CHN2: variants seen among roughly 807,000 people sequenced by gnomAD.
CHN2 encodes the protein beta-chimaerin.
Under a neutral mutation model 56.3 loss-of-function variants are expected in CHN2, and 35 were observed. The ratio of observed to expected loss-of-function variants is 0.62; its 90% CI spans 0.47 to 0.82. The LOEUF (loss-of-function observed/expected upper bound fraction) is 0.82, where lower values mean the gene tolerates loss of function less well. Ranked by LOEUF, CHN2 falls within the 40% of genes least tolerant of loss-of-function variation. The pLI is 0.00. For missense variants in CHN2, 491 were observed against 580.5 expected (o/e 0.85, Z 1.58); for synonymous variants, 210 against 212.8 (o/e 0.99, Z 0.12).
chr7:29,257,061 T>C (rs2128826857), intron 1 of CHN2, among the ~76,000 whole-genome samples: 1 of 152,294 alleles, frequency 6.6e-6, no homozygotes, highest in East Asian at 1.9e-4. Context: ...CAACTAGGCT[T>C]ACTGTTAAAA....
At chr7:29,323,865 G>A (rs1433447245) in intron 1 of CHN2, among the ~76,000 whole-genome samples, 5 of 152,054 alleles carry the variant, frequency 3.3e-5, no homozygotes, top group African/African-American at 9.7e-5. Context: ...ATAGCCGGGC[G>A]TGGTGGCAGG....
chr7:29,395,261 G>A (rs1008663806), intron 4 of CHN2, among the ~76,000 whole-genome samples: 9 of 152,144 alleles, frequency 5.9e-5, no homozygotes, highest in African/African-American at 1.4e-4. Context: ...AGTGGCTCAC[G>A]CCTGTAGTCC....
chr7:29,293,544 C>T (rs1343756831), intron 1 of CHN2, among the ~76,000 whole-genome samples: 4 of 152,176 alleles, frequency 2.6e-5, no homozygotes, highest in African/African-American at 7.2e-5. Flanking sequence ...CTTTACATCA[C>T]GCTCCTCTCT....
intron 1 of CHN2, among the ~76,000 whole-genome samples, chr7:29,256,436 A>G (rs1176341593): frequency 1.3e-5 from 2 of 152,186 alleles, no homozygotes; most frequent in Non-Finnish European, 2.9e-5. Flanking sequence ...AGCAACGGGC[A>G]TTTTTTGTTC....
At chr7:29,407,251 C>G (rs1023226025) in intron 6 of CHN2, among the ~76,000 whole-genome samples, 1 of 152,040 alleles carries the variant, frequency 6.6e-6, no homozygotes, top group East Asian at 1.9e-4. Context: ...GAAAAGGATG[C>G]TTTTCAGCAG....
intron 7 of CHN2, chr7:29,483,951 C>T (rs1295171795): frequency 1.8e-5 from 21 of 1,136,314 alleles, no homozygotes; most frequent in Admixed American, 6.9e-5. Context: ...ACATGCGAGT[C>T]ACTTATCGTG....
intron 1 of CHN2, among the ~76,000 whole-genome samples, chr7:29,247,662 C>T (rs962546703): frequency 3.3e-5 from 5 of 152,340 alleles, no homozygotes; most frequent in Non-Finnish European, 7.3e-5. Flanking sequence ...AAAGCCTCAC[C>T]GCCCCGATGG....
At chr7:29,182,675 G>A (rs931302056) in intron 2 of CHN2, among the ~76,000 whole-genome samples, 3 of 152,124 alleles carry the variant, frequency 2.0e-5, no homozygotes, top group African/African-American at 7.2e-5. Context: ...TAAACCCAAT[G>A]TCCCTCAAGA....
intron 6 of CHN2, among the ~76,000 whole-genome samples, chr7:29,473,608 T>C (rs953274300): frequency 1.3e-5 from 2 of 151,816 alleles, no homozygotes; most frequent in Non-Finnish European, 2.9e-5. Flanking sequence ...CCATCACCTG[T>C]GTACCGATCA....
At chr7:29,240,798 C>CTTT (rs796683525) in intron 1 of CHN2, among the ~76,000 whole-genome samples, 2 of 133,298 alleles carry the variant, frequency 1.5e-5, no homozygotes, top group Admixed American at 1.7e-4. Context: ...CTTCTTCTTC[C>CTTT]TCTTCTTCTT....
At chr7:29,298,874 TA>T (rs34520366) in intron 1 of CHN2, among the ~76,000 whole-genome samples, 51,582 of 151,566 alleles carry the variant, frequency 0.34, 9,109 homozygotes, top group African/African-American at 0.41. Context: ...TCATTTTTGT[TA>T]AAAAAAAAAT....
chr7:29,374,714 G>T (rs536411115), intron 3 of CHN2, among the ~76,000 whole-genome samples: 42 of 152,226 alleles, frequency 2.8e-4, no homozygotes, highest in African/African-American at 1.0e-3. Context: ...AATGAGGAAA[G>T]TAAATGGGAA....
At chr7:29,320,708 T>C (rs1036361315) in intron 1 of CHN2, among the ~76,000 whole-genome samples, 3 of 152,196 alleles carry the variant, frequency 2.0e-5, no homozygotes, top group Non-Finnish European at 4.4e-5. Flanking sequence ...CCTATTTCCC[T>C]GGGGTTCTGT....
Position 29,194,825 on chromosome 7 carries a change from TC to T in CHN2, c.-113del. The T allele has an allele frequency of 1.1e-6, 1 of 896,948 alleles. No individual in the cohort carries two copies. The highest frequency in any genetic ancestry group is 3.0e-5 in the South Asian group (1 of 33,526). The allele number at this position is 896,948 out of a possible 1,614,324, so 55.6% of individuals were successfully genotyped here. Reference sequence around the variant, plus strand: ...TCCGGAGGCTGGTGCTTTCTGCGCGTCCCCAGGACTTTGCCATGGGCTGGGG... The same window carrying T: ...TCCGGAGGCTGGTGCTTTCTGCGCGTCCCAGGACTTTGCCATGGGCTGGGG... On this transcript the variant is annotated 5_prime_UTR_variant, in exon 1 of 13. Coordinates refer to ENST00000222792, the MANE Select transcript of CHN2 (RefSeq NM_004067.4).
At position 29,299,155 on chromosome 7, in the gene CHN2, C is replaced by T. The variant is rs1793439580; in HGVS notation, c.50-55470C>T. Among the ~76,000 whole-genome samples the T allele has an allele frequency of 2.0e-5, 3 of 152,306 alleles. No individual in the cohort carries two copies. The South Asian group carries it at 6.2e-4, about 32-fold the overall frequency. On this transcript the variant is annotated intron_variant, in intron 1 of 12. Coordinates refer to ENST00000222792, the MANE Select transcript of CHN2 (RefSeq NM_004067.4). Reference sequence around the variant, plus strand: ...GAAGAGGCCAGGCTCCCCACCACTGCAAAAGGACCAAACATCCTATGGTTC... The same window carrying T: ...GAAGAGGCCAGGCTCCCCACCACTGTAAAAGGACCAAACATCCTATGGTTC...
At chr7:29,210,089 T>C (rs1784803450) in intron 1 of CHN2, among the ~76,000 whole-genome samples, 1 of 151,842 alleles carries the variant, frequency 6.6e-6, no homozygotes, top group Non-Finnish European at 1.5e-5. Context: ...TCTGAGGGTC[T>C]TAAAATTTTA....
chr7:29,182,347 A>G (rs1423068502), intron 2 of CHN2, among the ~76,000 whole-genome samples: 1 of 152,246 alleles, frequency 6.6e-6, no homozygotes, highest in African/African-American at 2.4e-5. Context: ...ATAATGAAAT[A>G]AGATCATAAG....
intron 7 of CHN2, among the ~76,000 whole-genome samples, chr7:29,481,742 A>G (rs1787275580): frequency 8.7e-6 from 1 of 114,914 alleles, no homozygotes; most frequent in Admixed American, 9.2e-5. Context: ...TTTGATTTTT[A>G]GCAGAAATCC....
chr7:29,354,523 A>G (rs1206521970), intron 1 of CHN2, 102 bp from the exon 2 acceptor site: 6 of 1,004,808 alleles, frequency 6.0e-6, no homozygotes, highest in Non-Finnish European at 9.1e-6. Context: ...TGAGACCCGC[A>G]TGCAAGTACT....
Sources: allele counts gnomAD v4.1 joint callset (sites outside exome capture counted in the v4.1 genomes callset), GRCh38; gene constraint gnomAD v4.1.1; transcripts MANE v1.5; gene names NCBI Gene and HGNC (gene_info 2026-07-23, HGNC 2026-07-21).